Variants in PMF1 observed in about 807,000 individuals in gnomAD.
The protein encoded by PMF1 is polyamine-modulated factor 1.
In PMF1, 21 loss-of-function variants were observed where a neutral mutation model predicts 26.7. The observed-to-expected ratio is 0.79, with a 90% CI of 0.56 to 1.13. The LOEUF (loss-of-function observed/expected upper bound fraction) is 1.13, where lower values mean the gene tolerates loss of function less well. Ranked by LOEUF, PMF1 falls within the 50% of genes most tolerant of loss-of-function variation. PMF1 has a pLI of 0.00. For synonymous variants in PMF1, 105 were observed against 101.0 expected (o/e 1.04, Z -0.24); for missense variants, 266 against 254.9 (o/e 1.04, Z -0.30).
intron 1 of PMF1, among the ~76,000 whole-genome samples, chr1:156,216,788 C>G (rs1319584309): frequency 6.6e-6 from 1 of 152,028 alleles, no homozygotes; most frequent in African/African-American, 2.4e-5. Context: ...GTCCGCCGCC[C>G]CTTCCCCGGA....
At chr1:156,222,464 C>A (rs1451691534) in intron 1 of PMF1, among the ~76,000 whole-genome samples, 1 of 152,120 alleles carries the variant, frequency 6.6e-6, no homozygotes, top group East Asian at 1.9e-4. Context: ...CTTACCTCAA[C>A]CCCCACCTCC....
intron 1 of PMF1, among the ~76,000 whole-genome samples, chr1:156,219,722 A>G (rs1572482716): frequency 6.6e-6 from 1 of 151,748 alleles, no homozygotes; most frequent in African/African-American, 2.4e-5. Flanking sequence ...AGTAGCTGGG[A>G]CTACAGATGT....
intron 1 of PMF1, among the ~76,000 whole-genome samples, chr1:156,218,760 T>C (rs1247272368): frequency 6.6e-6 from 1 of 151,588 alleles, no homozygotes; most frequent in Non-Finnish European, 1.5e-5. Context: ...CCAGCCTGGG[T>C]GACAGAGCGA....
At chr1:156,214,759 A>G (rs1167209255) in intron 1 of PMF1, among the ~76,000 whole-genome samples, 1 of 152,058 alleles carries the variant, frequency 6.6e-6, no homozygotes, top group African/African-American at 2.4e-5. Flanking sequence ...AGAAAAAAAA[A>G]AAAGATAATG....
chr1:156,226,094 A>G lies in PMF1; in HGVS notation c.162-6226A>G, dbSNP rs1658356758. 2.0e-5 allele frequency among the ~76,000 whole-genome samples: 3 copies of G among 152,198 alleles called. No homozygotes were observed. The South Asian group carries it at 6.2e-4, about 32-fold the overall frequency. On this transcript the variant is annotated intron_variant, in intron 1 of 4. Transcript: ENST00000368277. ...GGTCTCAAGCTCCTGACCTCAAGTG[A>G]TCCCCCCACTTCGGCCTCCCAAAGC...
chr1:156,232,228 A>G (rs1444194323), intron 1 of PMF1, 92 bp from the exon 2 acceptor site: 1 of 1,075,660 alleles, frequency 9.3e-7, no homozygotes, highest in Non-Finnish European at 1.4e-6. Flanking sequence ...CAGAGCTCAG[A>G]GTCCTGTAAT....
At chr1:156,220,572 G>T (rs72708294) in intron 1 of PMF1, 1 of 151,614 alleles carries the variant, frequency 6.6e-6, no homozygotes, top group African/African-American at 2.4e-5. Flanking sequence ...AAACTACCCC[G>T]TTCAACGTAA....
intron 1 of PMF1, among the ~76,000 whole-genome samples, chr1:156,226,523 G>T (rs1658380097): frequency 6.6e-6 from 1 of 152,224 alleles, no homozygotes; most frequent in African/African-American, 2.4e-5. Flanking sequence ...CCCAGCTCTG[G>T]GGAGCCAAGT....
chr1:156,237,519 T>G (rs1223178820), intron 4 of PMF1, among the ~76,000 whole-genome samples: 1 of 146,594 alleles, frequency 6.8e-6, no homozygotes, highest in Non-Finnish European at 1.5e-5. Flanking sequence ...CGATCTCAGC[T>G]CACTGCAACC....
At chr1:156,218,187 C>A (rs542241337) in intron 1 of PMF1, among the ~76,000 whole-genome samples, 26 of 152,264 alleles carry the variant, frequency 1.7e-4, no homozygotes, top group South Asian at 1.0e-3. Flanking sequence ...CTGCTCATTT[C>A]CTCCAGCCTT....
Position 156,239,564 on chromosome 1 carries a change from A to G in PMF1, c.581A>G (p.Gln194Arg), listed in dbSNP as rs1374510120. 1 of 1,613,224 alleles carries G rather than the reference A, an allele frequency of 6.2e-7. No homozygotes were observed. Among genetic ancestry groups the G allele is most frequent in the Admixed American group, 1.7e-5 (1 of 60,016 alleles). The change falls in exon 5 of 5, where the codon CAG (glutamine) becomes CGG (arginine). Residue 194 changes from glutamine to arginine, a missense_variant. Transcript: ENST00000368277. ...QQAWQALHRE[Q>R]RELVAVLREP... ...TGATTTCAGGCTCTACACAGAGAACAGAGGGAGCTGGTTGCTGTGCTGAGG... is the reference window on the plus strand; with the variant it reads ...TGATTTCAGGCTCTACACAGAGAACGGAGGGAGCTGGTTGCTGTGCTGAGG...
chr1:156,238,997 C>T (rs553561906), intron 4 of PMF1, among the ~76,000 whole-genome samples: 1 of 152,162 alleles, frequency 6.6e-6, no homozygotes. Context: ...TATCGCCACT[C>T]AGTCACCATG....
intron 1 of PMF1, chr1:156,220,904 G>C (rs1292970793): frequency 6.6e-6 from 1 of 151,994 alleles, no homozygotes; most frequent in Non-Finnish European, 1.5e-5. Context: ...CACCTGCCTC[G>C]GCCTCCCAAA....
At chr1:156,232,476 G>A (rs1004555412) in intron 2 of PMF1, 51 bp downstream of exon 2, 1 of 1,577,336 alleles carries the variant, frequency 6.3e-7, no homozygotes, top group Non-Finnish European at 8.7e-7. Context: ...TCTGTCTCCA[G>A]ATTGTCAGTC....
intron 1 of PMF1, 148 bp downstream of exon 1, chr1:156,213,324 G>C: frequency 1.6e-6 from 2 of 1,228,788 alleles, no homozygotes; most frequent in Non-Finnish European, 1.1e-6. Context: ...CAAATCCTGA[G>C]CCTTAGGAGT....
At chr1:156,228,256 ATT>A (rs772709878) in intron 1 of PMF1, among the ~76,000 whole-genome samples, 5 of 33,544 alleles carry the variant, frequency 1.5e-4, no homozygotes, top group Admixed American at 4.5e-4. Flanking sequence ...GCACCTGGCG[ATT>A]TTTTTTTTTT....
intron 1 of PMF1, among the ~76,000 whole-genome samples, chr1:156,219,421 A>G (rs1376698946): frequency 6.6e-6 from 1 of 151,966 alleles, no homozygotes; most frequent in Non-Finnish European, 1.5e-5. Context: ...GCTCATCTCC[A>G]TTGCTTGATG....
chr1:156,234,939 G>C (rs1278208426), intron 3 of PMF1, among the ~76,000 whole-genome samples: 2 of 152,138 alleles, frequency 1.3e-5, no homozygotes, highest in Middle Eastern at 3.2e-3. Context: ...AGTGGGGCCT[G>C]GGATGAGCCG....
intron 1 of PMF1, among the ~76,000 whole-genome samples, chr1:156,219,921 T>C (rs1657988401): frequency 6.6e-6 from 1 of 151,544 alleles, no homozygotes; most frequent in South Asian, 2.1e-4. Flanking sequence ...AGCTAATTTT[T>C]GTATTTTTTG....
Sources: allele counts gnomAD v4.1 joint callset (sites outside exome capture counted in the v4.1 genomes callset), GRCh38; gene constraint gnomAD v4.1.1; transcripts MANE v1.5; gene names NCBI Gene and HGNC (gene_info 2026-07-23, HGNC 2026-07-21).